MAGI1: variants seen among roughly 807,000 people sequenced by gnomAD.
The protein encoded by MAGI1 is membrane associated guanylate kinase, WW and PDZ domain containing 1.
Under a neutral mutation model 139.9 loss-of-function variants are expected in MAGI1, and 58 were observed. That is an observed-to-expected ratio of 0.41 (90% CI 0.34 to 0.52). The LOEUF (loss-of-function observed/expected upper bound fraction) is 0.52. Among genes scored for constraint, MAGI1 ranks in the 20% least tolerant of loss-of-function variants. MAGI1 has a pLI of 0.12. For synonymous variants in MAGI1, 812 were observed against 737.9 expected, an observed-to-expected ratio of 1.10 and a Z score of -1.63; for missense variants, 1,874 against 1,901.6, an observed-to-expected ratio of 0.99 and a Z score of 0.27.
intron 1 of MAGI1, among the ~76,000 whole-genome samples, chr3:65,946,802 A>AT (rs1475110746): frequency 1.3e-5 from 2 of 152,234 alleles, no homozygotes; most frequent in Non-Finnish European, 2.9e-5. Context: ...AGAATGTTAA[A>AT]TATTAAAAAT....
chr3:65,364,640 G>T, intron 20 of MAGI1, 25 bp downstream of exon 20: 1 of 1,604,058 alleles, frequency 6.2e-7, no homozygotes, highest in Non-Finnish European at 8.5e-7. Context: ...GCAAAGTATA[G>T]AGAAAAAAGA....
chr3:65,687,438 C>T (rs2088151506), intron 1 of MAGI1: 1 of 385,864 alleles, frequency 2.6e-6, no homozygotes, highest in Non-Finnish European at 5.3e-6. Flanking sequence ...TGGGTCAAGC[C>T]AACACCTGAT....
intron 2 of MAGI1, among the ~76,000 whole-genome samples, chr3:65,509,124 G>T (rs563847672): frequency 6.6e-6 from 1 of 152,312 alleles, no homozygotes; most frequent in Admixed American, 6.5e-5. Context: ...GGGAAGCAAA[G>T]AGTCAAAGTG....
intron 1 of MAGI1, among the ~76,000 whole-genome samples, chr3:65,826,390 T>A (rs1367467977): frequency 6.6e-6 from 1 of 152,248 alleles, no homozygotes; most frequent in Non-Finnish European, 1.5e-5. Flanking sequence ...GGAATATTAT[T>A]TTTAAACATG....
chr3:65,695,127 T>A (rs183777742), intron 1 of MAGI1, among the ~76,000 whole-genome samples: 122 of 152,310 alleles, frequency 8.0e-4, no homozygotes, highest in African/African-American at 2.8e-3. Context: ...CATTCTCTTC[T>A]ACTCCCCTGA....
intron 1 of MAGI1, among the ~76,000 whole-genome samples, chr3:65,629,316 C>T (rs924894274): frequency 7.2e-5 from 11 of 152,180 alleles, no homozygotes; most frequent in African/African-American, 2.4e-4. Flanking sequence ...ATTCCATGTG[C>T]TCCACAGCTA....
chr3:65,493,442 C>T, intron 3 of MAGI1, 70 bp downstream of exon 3: 1 of 1,588,700 alleles, frequency 6.3e-7, no homozygotes, highest in Non-Finnish European at 8.6e-7. Context: ...AACATTTTTG[C>T]CTGGATGGCT....
chr3:65,442,433 G>A (rs9831704), intron 8 of MAGI1, among the ~76,000 whole-genome samples: 1,751 of 152,192 alleles, frequency 0.012, 32 homozygotes, highest in African/African-American at 0.04. Context: ...GATACTCCTT[G>A]TAAAGATAAA....
chr3:65,777,556 T>A (rs2038552781), intron 1 of MAGI1, among the ~76,000 whole-genome samples: 1 of 151,290 alleles, frequency 6.6e-6, no homozygotes, highest in Admixed American at 6.6e-5. Flanking sequence ...GGAGGATCAC[T>A]TGAGCCTGGG....
At chr3:65,461,770 G>A (rs1345061251) in intron 5 of MAGI1, among the ~76,000 whole-genome samples, 1 of 152,082 alleles carries the variant, frequency 6.6e-6, no homozygotes, top group Non-Finnish European at 1.5e-5. Flanking sequence ...ATACAGGCGT[G>A]AGCCACCACG....
intron 9 of MAGI1, among the ~76,000 whole-genome samples, chr3:65,439,563 G>T (rs1948093662): frequency 6.6e-6 from 1 of 152,162 alleles, no homozygotes; most frequent in Non-Finnish European, 1.5e-5. Context: ...AAGTGGTTTG[G>T]ATTTAGCTAC....
At chr3:65,912,246 A>AC (rs1350658325) in intron 1 of MAGI1, among the ~76,000 whole-genome samples, 1 of 151,960 alleles carries the variant, frequency 6.6e-6, no homozygotes, top group East Asian at 1.9e-4. Flanking sequence ...CAAAAAAAAA[A>AC]AAAAAAGAGT....
intron 13 of MAGI1, among the ~76,000 whole-genome samples, chr3:65,391,572 T>C (rs1943922976): frequency 6.6e-6 from 1 of 152,146 alleles, no homozygotes; most frequent in South Asian, 2.1e-4. Flanking sequence ...TAGGAAGACA[T>C]AATCATAACC....
chr3:65,997,635 G>A lies in MAGI1; in HGVS notation c.313+40361C>T, dbSNP rs545445735. Among the ~76,000 whole-genome samples the A allele has an allele frequency of 5.3e-5, 8 of 152,134 alleles. No homozygotes were observed. The East Asian group carries it at 5.8e-4, about 11-fold the overall frequency. ...CGCGCCACTGCACTCCAGCCTGGGCGACAGAGCAAGACTCCGTCTCAAAAA... is the reference window on the plus strand; with the variant it reads ...CGCGCCACTGCACTCCAGCCTGGGCAACAGAGCAAGACTCCGTCTCAAAAA... On this transcript the variant is annotated intron_variant, in intron 1 of 22. Coordinates refer to ENST00000402939, the MANE Select transcript of MAGI1 (RefSeq NM_001033057.2).
chr3:65,902,699 C>T (rs2061282586), intron 1 of MAGI1: 2 of 152,610 alleles, frequency 1.3e-5, no homozygotes, highest in Admixed American at 6.6e-5. Context: ...AGTCTCTGCT[C>T]GTACCTGAAT....
chr3:65,590,565 T>C (rs1372849490), intron 2 of MAGI1, among the ~76,000 whole-genome samples: 1 of 152,184 alleles, frequency 6.6e-6, no homozygotes, highest in Admixed American at 6.5e-5. Flanking sequence ...ATTCAAAATT[T>C]CCCCTTTTAA....
At chr3:65,610,593 G>A (rs2082996094) in intron 2 of MAGI1, among the ~76,000 whole-genome samples, 1 of 150,988 alleles carries the variant, frequency 6.6e-6, no homozygotes, top group African/African-American at 2.4e-5. Context: ...ATGGAAATAA[G>A]GAATATGTAT....
At chr3:65,771,314 CAA>C (rs59932981) in intron 1 of MAGI1, among the ~76,000 whole-genome samples, 33 of 141,150 alleles carry the variant, frequency 2.3e-4, no homozygotes, top group African/African-American at 4.9e-4. Flanking sequence ...CTCAATGTCT[CAA>C]AAAAAAAAAA....
chr3:65,731,277 C>T (rs575527452), intron 1 of MAGI1, among the ~76,000 whole-genome samples: 11 of 152,170 alleles, frequency 7.2e-5, no homozygotes, highest in Non-Finnish European at 1.2e-4. Flanking sequence ...AAGGAATTTT[C>T]GTGCTATGGC....
Sources: allele counts gnomAD v4.1 joint callset (sites outside exome capture counted in the v4.1 genomes callset), GRCh38; gene constraint gnomAD v4.1.1; transcripts MANE v1.5; gene names NCBI Gene and HGNC (gene_info 2026-07-23, HGNC 2026-07-21).